CLEC3A: variants seen among roughly 807,000 people sequenced by gnomAD.
CLEC3A encodes C-type (calcium dependent, carbohydrate-recognition domain) lectin, superfamily member 1 (cartilage-derived).
CLEC3A carries 28 observed loss-of-function variants against 20.4 expected under a neutral mutation model. The observed-to-expected ratio is 1.37, with a 90% CI of 1.02 to 1.88. The LOEUF (loss-of-function observed/expected upper bound fraction) is 1.88. CLEC3A is among the 40% of genes most tolerant of loss of function. The pLI, the probability that CLEC3A is intolerant of heterozygous loss-of-function variation, is 0.00. For missense variants in CLEC3A, 357 were observed against 240.4 expected, an observed-to-expected ratio of 1.48 and a Z score of -3.21; for synonymous variants, 110 against 88.1, an observed-to-expected ratio of 1.25 and a Z score of -1.39.
chr16:78,029,659 C>G (rs968565327), intron 2 of CLEC3A, among the ~76,000 whole-genome samples: 5 of 151,916 alleles, frequency 3.3e-5, no homozygotes, highest in Non-Finnish European at 5.9e-5. Flanking sequence ...TGAGCCACCA[C>G]GCCAAGCATT....
At chr16:78,026,230 C>T (rs1172819412) in intron 1 of CLEC3A, among the ~76,000 whole-genome samples, 2 of 152,116 alleles carry the variant, frequency 1.3e-5, no homozygotes, top group East Asian at 3.8e-4. Flanking sequence ...GCTTCCTAAC[C>T]CAAATGAGGA....
In CLEC3A at chr16:78,028,124, A is replaced by C. The variant is rs748382138; in HGVS notation, c.133A>C (p.Lys45Gln). The C allele has an allele frequency of 8.1e-6, 13 of 1,610,654 alleles. No homozygotes were observed. Among genetic ancestry groups the C allele is most frequent in the African/African-American group, 1.3e-5 (1 of 74,594 alleles). ...RRVRDKDGDL[K>Q]TQIEKLWTEV... The stretch of plus-strand genomic sequence containing the variant: ...TTCCCCAGACAAGGATGGAGATCTG[A>C]AGACTCAAATTGAAAAGCTCTGGAC... Residue 45 changes from lysine to glutamine, a missense_variant, in exon 2 of 3, where the codon AAG becomes CAG. Physicochemically the swap from Lys to Gln is moderately conservative, Grantham distance 53 (BLOSUM62 1). Coordinates refer to ENST00000299642, the MANE Select transcript of CLEC3A (RefSeq NM_005752.6).
chr16:78,024,670 T>A (rs1323047155), intron 1 of CLEC3A, among the ~76,000 whole-genome samples: 1 of 152,196 alleles, frequency 6.6e-6, no homozygotes, highest in Non-Finnish European at 1.5e-5. Flanking sequence ...CCCATCCATA[T>A]ACTTTTAAAA....
chr16:78,028,967 G>A, intron 2 of CLEC3A: 1 of 348,138 alleles, frequency 2.9e-6, no homozygotes, highest in Admixed American at 3.9e-5. Flanking sequence ...CAGGCTTCCG[G>A]GGGAACAGAA....
chr16:78,022,587 G>C lies in CLEC3A; in HGVS notation c.-40G>C, dbSNP rs765483946. On this transcript the variant is annotated 5_prime_UTR_variant, in exon 1 of 3. Transcript: ENST00000299642. ...TAGTCTCCTTCCATAGCTGCTCTAAGGGGGCTGGCAACATGGCTCAGCAGG... is the reference window on the plus strand; with the variant it reads ...TAGTCTCCTTCCATAGCTGCTCTAACGGGGCTGGCAACATGGCTCAGCAGG... 6 of 1,609,762 alleles carry C rather than the reference G, an allele frequency of 3.7e-6. No individual in the cohort carries two copies. Among genetic ancestry groups the C allele is most frequent in the Non-Finnish European group, 5.1e-6 (6 of 1,178,024 alleles).
chr16:78,025,009 C>A (rs76386526), intron 1 of CLEC3A, among the ~76,000 whole-genome samples: 4,139 of 152,186 alleles, frequency 0.027, 77 homozygotes, highest in African/African-American at 0.053. Context: ...GTACATACAT[C>A]TTTTTTAGTA....
chr16:78,030,178 GGT>G (rs1283596791), intron 2 of CLEC3A, among the ~76,000 whole-genome samples: 1 of 144,894 alleles, frequency 6.9e-6, no homozygotes, highest in Non-Finnish European at 1.5e-5. Context: ...AAAATGCTAA[GGT>G]GTTACAAGTA....
chr16:78,024,821 G>T (rs2018792646), intron 1 of CLEC3A, among the ~76,000 whole-genome samples: 1 of 152,072 alleles, frequency 6.6e-6, no homozygotes, highest in Non-Finnish European at 1.5e-5. Flanking sequence ...TTTGTGTTTT[G>T]TTTTTTGTAG....
intron 1 of CLEC3A, among the ~76,000 whole-genome samples, chr16:78,024,341 T>C (rs1245992787): frequency 6.6e-6 from 1 of 151,998 alleles, no homozygotes; most frequent in African/African-American, 2.4e-5. Flanking sequence ...TGTGTGGGTG[T>C]TTCTGAAGTA....
Position 78,030,937 on chromosome 16 carries a change from A to G in CLEC3A, c.*96A>G, listed in dbSNP as rs1427295173. On this transcript the variant is annotated 3_prime_UTR_variant, in exon 3 of 3. Transcript: ENST00000299642. Reference sequence around the variant, plus strand: ...AAAAATCATAATTTTTACTTATTAAAAAATTGCAACACAAGATCAATGTCC... The same window carrying G: ...AAAAATCATAATTTTTACTTATTAAGAAATTGCAACACAAGATCAATGTCC... 8.0e-6 allele frequency: 11 copies of G among 1,366,826 alleles called. No homozygotes were observed. The African/African-American group carries it at 1.6e-4, about 20-fold the overall frequency. The allele number at this position is 1,366,826 out of a possible 1,614,324, so 84.7% of individuals were successfully genotyped here. A position where few individuals can be genotyped will look rare whatever the true frequency, so the allele number is the denominator to read the frequency against.
intron 1 of CLEC3A, among the ~76,000 whole-genome samples, chr16:78,027,178 C>T (rs2056848): frequency 6.6e-6 from 1 of 151,804 alleles, no homozygotes; most frequent in African/African-American, 2.4e-5. Context: ...TCATGTTAAG[C>T]ATCAGAAGAA....
At chr16:78,023,206 G>T (rs2735401) in intron 1 of CLEC3A, among the ~76,000 whole-genome samples, 93,572 of 152,094 alleles carry the variant, frequency 0.62, 31,599 homozygotes, top group South Asian at 0.75. Flanking sequence ...TTTTGGTAAT[G>T]GTGACTTCCT....
chr16:78,025,234 G>A (rs2018797098), intron 1 of CLEC3A, among the ~76,000 whole-genome samples: 1 of 152,208 alleles, frequency 6.6e-6, no homozygotes, highest in Non-Finnish European at 1.5e-5. Context: ...ATAGTTACCA[G>A]TGTAAGCAAT....
Position 78,030,621 on chromosome 16 carries a change from T to C in CLEC3A, c.374T>C (p.Val125Ala). The C allele has an allele frequency of 6.2e-7, 1 of 1,614,052 alleles. No individual in the cohort carries two copies. Among genetic ancestry groups the C allele is most frequent in the Non-Finnish European group, 8.5e-7 (1 of 1,180,000 alleles). ...QDYGKRSLPG[V>A]NDFWLGINDM... ...TATGGTAAAAGGAGCCTGCCAGGTGTCAATGACTTTTGGCTGGGCATCAAT... is the reference window on the plus strand; with the variant it reads ...TATGGTAAAAGGAGCCTGCCAGGTGCCAATGACTTTTGGCTGGGCATCAAT... Residue 125 changes from valine to alanine, a missense_variant, in exon 3 of 3, where the codon GTC becomes GCC. By Grantham distance (64) the Val-to-Ala change is moderately conservative. Transcript: ENST00000299642.
chr16:78,025,751 T>C (rs2029895224), intron 1 of CLEC3A, among the ~76,000 whole-genome samples: 1 of 152,222 alleles, frequency 6.6e-6, no homozygotes, highest in African/African-American at 2.4e-5. Flanking sequence ...TCAGTAGTTG[T>C]TCCACATATT....
chr16:78,026,984 T>A (rs1340880046), intron 1 of CLEC3A, among the ~76,000 whole-genome samples: 1 of 152,198 alleles, frequency 6.6e-6, no homozygotes, highest in East Asian at 1.9e-4. Flanking sequence ...CCCAAATCAG[T>A]CAGAGTATGA....
chr16:78,029,817 A>AT (rs1372810133), intron 2 of CLEC3A, among the ~76,000 whole-genome samples: 15 of 152,152 alleles, frequency 9.9e-5, no homozygotes, highest in Admixed American at 9.2e-4. Context: ...GCAGACCTGC[A>AT]TTTGGGTAGC....
intron 1 of CLEC3A, among the ~76,000 whole-genome samples, chr16:78,024,179 A>G (rs2018784139): frequency 6.6e-6 from 1 of 152,134 alleles, no homozygotes; most frequent in Non-Finnish European, 1.5e-5. Context: ...TCGAAAGGAG[A>G]GGGGAGAGAG....
At chr16:78,024,637 C>T (rs1027282524) in intron 1 of CLEC3A, among the ~76,000 whole-genome samples, 3 of 152,110 alleles carry the variant, frequency 2.0e-5, no homozygotes, top group African/African-American at 7.2e-5. Context: ...TAAACCTAAA[C>T]CGATCAAGCA....
Sources: allele counts gnomAD v4.1 joint callset (sites outside exome capture counted in the v4.1 genomes callset), GRCh38; gene constraint gnomAD v4.1.1; transcripts MANE v1.5; gene names NCBI Gene and HGNC (gene_info 2026-07-23, HGNC 2026-07-21).